The following GRIN2B variants were observed in gnomAD, a reference collection of about 807,000 sequenced individuals.
The protein encoded by GRIN2B is glutamate ionotropic receptor NMDA type subunit 2B.
A neutral mutation model predicts 114.5 loss-of-function variants in GRIN2B; 5 were observed. The observed-to-expected ratio is 0.04, with a 90% CI of 0.02 to 0.09. The LOEUF (loss-of-function observed/expected upper bound fraction) is 0.09, where lower values mean the gene tolerates loss of function less well. Among genes scored for constraint, GRIN2B ranks in the 10% least tolerant of loss-of-function variants. The probability of loss-of-function intolerance (pLI) is 1.00; values close to 1 mark genes in which losing one functional copy is unlikely to be tolerated. For synonymous variants in GRIN2B, 787 were observed against 745.1 expected (o/e 1.06, Z -0.92); for missense variants, 1,108 against 1,943.5 (o/e 0.57, Z 8.08).
At chr12:13,843,017 A>C (rs1591762792) in intron 3 of GRIN2B, among the ~76,000 whole-genome samples, 1 of 127,652 alleles carries the variant, frequency 7.8e-6, no homozygotes, top group Non-Finnish European at 1.6e-5. Context: ...TTACTTTTTA[A>C]AATTTTTTAT....
chr12:13,577,982 G>A (rs996084457), intron 10 of GRIN2B, among the ~76,000 whole-genome samples: 1 of 152,234 alleles, frequency 6.6e-6, no homozygotes, highest in Non-Finnish European at 1.5e-5. Flanking sequence ...GGAGATGCCT[G>A]TGCTGAAGAT....
At chr12:13,941,885 C>T (rs1436375847) in intron 2 of GRIN2B, among the ~76,000 whole-genome samples, 1 of 152,208 alleles carries the variant, frequency 6.6e-6, no homozygotes, top group Admixed American at 6.5e-5. Context: ...TGCTGGCTCC[C>T]GCAGCGCAGT....
chr12:13,547,534 G>A lies in GRIN2B; in HGVS notation c.*15249C>T, dbSNP rs1412302407. ...TATTTAGCAATTAGAATGTTTGACT[G>A]GCAATGGCCAGGTAGATTTCACCAT... On this transcript the variant is annotated 3_prime_UTR_variant, in exon 14 of 14. Coordinates refer to ENST00000609686, the MANE Select transcript of GRIN2B (RefSeq NM_000834.5). 6.6e-6 allele frequency: 1 copy of A among 152,100 alleles called. No individual in the cohort carries two copies. Among genetic ancestry groups the A allele is most frequent in the Non-Finnish European group, 1.5e-5 (1 of 68,014 alleles). 9.4% of individuals were successfully genotyped at this position (152,100 alleles called of 1,614,324 possible).
In GRIN2B at chr12:13,936,436, C is replaced by A. The variant is rs142937591; in HGVS notation, c.-19+43492G>T. On this transcript the variant is annotated intron_variant, in intron 2 of 13. Coordinates refer to ENST00000609686, the MANE Select transcript of GRIN2B (RefSeq NM_000834.5). ...GACTACATTCAAACTACAACAAAAT[C>A]CTCAAGGGAACAGTTTAAAGATTGA... Among the ~76,000 whole-genome samples the A allele has an allele frequency of 2.6e-4, 40 of 152,234 alleles. 1 individual carries two copies. The East Asian group carries it at 7.7e-3, about 29-fold the overall frequency.
chr12:13,950,270 A>G (rs1591637371), intron 2 of GRIN2B, among the ~76,000 whole-genome samples: 1 of 152,218 alleles, frequency 6.6e-6, no homozygotes, highest in Non-Finnish European at 1.5e-5. Flanking sequence ...TAGATGAATC[A>G]ACCCAAGAGT....
In GRIN2B at chr12:13,822,808, T is replaced by C. The variant is rs145654578; in HGVS notation, c.411+42990A>G. Among the ~76,000 whole-genome samples the C allele has an allele frequency of 3.9e-3, 596 of 152,256 alleles. 3 individuals carry two copies. Among genetic ancestry groups the C allele is most frequent in the South Asian group, 7.5e-3 (36 of 4,830 alleles). On this transcript the variant is annotated intron_variant, in intron 3 of 13. Coordinates refer to ENST00000609686, the MANE Select transcript of GRIN2B (RefSeq NM_000834.5). ...AGCCTTCTTTTGATCACTGATTTGA[T>C]GACTGGCGTTCCAATCTTTCTTACA... is the stretch of plus-strand genomic sequence containing the variant.
chr12:13,740,835 A>G (rs1030769592), intron 4 of GRIN2B, among the ~76,000 whole-genome samples: 4 of 152,106 alleles, frequency 2.6e-5, no homozygotes, highest in Non-Finnish European at 4.4e-5. Context: ...TCCCATTAGG[A>G]AAAGGGAGGT....
At chr12:13,575,266 A>C (rs915768898) in intron 10 of GRIN2B, among the ~76,000 whole-genome samples, 1 of 152,224 alleles carries the variant, frequency 6.6e-6, no homozygotes, top group Non-Finnish European at 1.5e-5. Flanking sequence ...TAAGCCACCG[A>C]CTGGGAAGAA....
At chr12:13,793,992 A>G (rs193048054) in intron 3 of GRIN2B, among the ~76,000 whole-genome samples, 1 of 145,376 alleles carries the variant, frequency 6.9e-6, no homozygotes, top group East Asian at 2.0e-4. Context: ...GCTTAAGCTC[A>G]GGAGTTAGAG....
rs1950442141 is a variant in GRIN2B, at chr12:13,714,862, T to G, written c.1010+38455A>C. Among the ~76,000 whole-genome samples, 2 of 151,870 alleles carry G rather than the reference T, an allele frequency of 1.3e-5. 1 individual carries two copies. Among genetic ancestry groups the G allele is most frequent in the Admixed American group, 1.3e-4 (2 of 15,206 alleles). On this transcript the variant is annotated intron_variant, in intron 4 of 13. Transcript: ENST00000609686. ...CCTGAATAACATATGTTGTCTCCAT[T>G]AACTCTTTTCTCGTCATATACCAAA...
rs1948559759 is a variant in GRIN2B, at chr12:13,562,603, G to A, written c.*180C>T. On this transcript the variant is annotated 3_prime_UTR_variant, in exon 14 of 14. Transcript: ENST00000609686. ...GAGAACTGTGAAAAGGAGGAGAGATGGTGCTGGTCACCAGGGTTGCCCCCA... is the reference window on the plus strand; with the variant it reads ...GAGAACTGTGAAAAGGAGGAGAGATAGTGCTGGTCACCAGGGTTGCCCCCA... 1 of 625,186 alleles carries A rather than the reference G, an allele frequency of 1.6e-6. No homozygotes were observed. Among genetic ancestry groups the A allele is most frequent in the Non-Finnish European group, 2.9e-6 (1 of 350,456 alleles). The allele number at this position is 625,186 out of a possible 1,614,324, so 38.7% of individuals were successfully genotyped here.
chr12:13,962,920 G>T (rs1867722836), intron 2 of GRIN2B, among the ~76,000 whole-genome samples: 1 of 152,216 alleles, frequency 6.6e-6, no homozygotes, highest in Non-Finnish European at 1.5e-5. Flanking sequence ...CAGTTAGACA[G>T]ACCCTCTGTC....
chr12:13,573,753 G>A (rs973172112), intron 10 of GRIN2B, among the ~76,000 whole-genome samples: 2 of 152,200 alleles, frequency 1.3e-5, no homozygotes, highest in African/African-American at 4.8e-5. Context: ...CCTGGGATTA[G>A]AAGTAATTCT....
chr12:13,605,551 T>TCTCTCTCTCTCTCTCTCTCTCA, intron 10 of GRIN2B, among the ~76,000 whole-genome samples: 6 of 30,494 alleles, frequency 2.0e-4, no homozygotes, highest in African/African-American at 6.2e-4. Flanking sequence ...TCTCTCTCTC[T>TCTCTCTCTCTCTCTCTCTCTCA]GACACACACA....
chr12:13,795,158 T>A (rs2136668775), intron 3 of GRIN2B, among the ~76,000 whole-genome samples: 1 of 152,320 alleles, frequency 6.6e-6, no homozygotes, highest in East Asian at 1.9e-4. Flanking sequence ...CAAATGAGCT[T>A]AGTAAAAATA....
intron 2 of GRIN2B, among the ~76,000 whole-genome samples, chr12:13,961,771 C>T (rs144590501): frequency 0.011 from 1,712 of 152,160 alleles, 104 homozygotes; most frequent in Admixed American, 0.098. Context: ...AACGTAGGTC[C>T]AGCGGAATGG....
At chr12:13,642,558 C>G (rs1426980940) in intron 5 of GRIN2B, among the ~76,000 whole-genome samples, 1 of 152,168 alleles carries the variant, frequency 6.6e-6, no homozygotes, top group Admixed American at 6.5e-5. Context: ...TGATTATAAG[C>G]ATTCCCATGA....
At chr12:13,923,846 A>C (rs150479892) in intron 2 of GRIN2B, among the ~76,000 whole-genome samples, 1 of 152,130 alleles carries the variant, frequency 6.6e-6, no homozygotes, top group Non-Finnish European at 1.5e-5. Flanking sequence ...CCTCAGCCCA[A>C]ATGGATGTTT....
intron 2 of GRIN2B, among the ~76,000 whole-genome samples, chr12:13,968,574 G>T (rs1017157591): frequency 6.6e-6 from 1 of 152,138 alleles, no homozygotes; most frequent in Non-Finnish European, 1.5e-5. Flanking sequence ...TTACTGAAAG[G>T]CCTTTTTAAA....
Sources: gnomAD v4.1 joint callset for allele counts (sites outside exome capture counted in the v4.1 genomes callset) on GRCh38, gnomAD v4.1.1 for gene constraint, MANE v1.5 for transcripts, NCBI Gene and HGNC (gene_info 2026-07-23, HGNC 2026-07-21) for gene names.